The following DLG2 variants were observed in gnomAD, a reference collection of about 807,000 sequenced individuals.
DLG2 encodes the protein discs large MAGUK scaffold protein 2, also known as disks large homolog 2.
Under a neutral mutation model 132.5 loss-of-function variants are expected in DLG2, and 45 were observed. That is an observed-to-expected ratio of 0.34 (90% CI 0.27 to 0.44). The LOEUF (loss-of-function observed/expected upper bound fraction) is 0.44, where lower values mean the gene tolerates loss of function less well. Among genes scored for constraint, DLG2 ranks in the 20% least tolerant of loss-of-function variants. DLG2 has a pLI of 1.00. For synonymous variants in DLG2, 424 were observed against 419.6 expected (o/e 1.01, Z -0.13); for missense variants, 1,045 against 1,196.9 (o/e 0.87, Z 1.87).
intron 3 of DLG2, among the ~76,000 whole-genome samples, chr11:85,343,653 C>T (rs1035925499): frequency 9.2e-5 from 14 of 152,032 alleles, no homozygotes; most frequent in Non-Finnish European, 1.5e-4. Flanking sequence ...CACGCGCGTA[C>T]ACGCACATAC....
chr11:84,960,664 C>T (rs1188556137), intron 6 of DLG2, among the ~76,000 whole-genome samples: 1 of 151,962 alleles, frequency 6.6e-6, no homozygotes, highest in Non-Finnish European at 1.5e-5. Context: ...GTCTCAAACT[C>T]CTGAGCTCAG....
intron 6 of DLG2, among the ~76,000 whole-genome samples, chr11:84,724,188 GT>G (rs2062146079): frequency 6.6e-6 from 1 of 152,042 alleles, no homozygotes; most frequent in African/African-American, 2.4e-5. Context: ...CTAAGCTTCA[GT>G]TTCCTTTTTT....
intron 11 of DLG2, among the ~76,000 whole-genome samples, chr11:84,028,366 T>G (rs2095599380): frequency 6.6e-6 from 1 of 152,116 alleles, no homozygotes; most frequent in African/African-American, 2.4e-5. Context: ...CTATTTGGCT[T>G]GCTCATGATT....
chr11:84,214,831 C>T (rs1044175596), intron 8 of DLG2, among the ~76,000 whole-genome samples: 23 of 152,062 alleles, frequency 1.5e-4, no homozygotes, highest in Non-Finnish European at 2.2e-4. Context: ...TTTTCAGGCA[C>T]TTAGGTAATC....
chr11:84,056,397 G>A (rs11233892), intron 11 of DLG2, among the ~76,000 whole-genome samples: 7,472 of 152,124 alleles, frequency 0.049, 248 homozygotes, highest in Middle Eastern at 0.088. Flanking sequence ...TAGTTATGAC[G>A]AATCACATCT....
intron 21 of DLG2, among the ~76,000 whole-genome samples, chr11:83,523,569 G>A (rs946210663): frequency 1.3e-5 from 2 of 152,088 alleles, no homozygotes; most frequent in African/African-American, 2.4e-5. Flanking sequence ...CTTAACTTCA[G>A]TTTTCTCATC....
intron 10 of DLG2, among the ~76,000 whole-genome samples, chr11:84,074,926 C>G (rs752034614): frequency 6.6e-6 from 1 of 152,100 alleles, no homozygotes; most frequent in African/African-American, 2.4e-5. Context: ...AAACCCAAAG[C>G]CCTTACCTGC....
intron 3 of DLG2, among the ~76,000 whole-genome samples, chr11:85,541,652 CA>C (rs1187001993): frequency 6.6e-6 from 1 of 151,702 alleles, no homozygotes; most frequent in Non-Finnish European, 1.5e-5. Context: ...AGAGTGAGTG[CA>C]AAAAAACACA....
In DLG2 at chr11:84,181,402, C is replaced by T. The variant is rs141519368; in HGVS notation, c.574-17891G>A. On this transcript the variant is annotated intron_variant, in intron 8 of 27. Transcript: ENST00000376104. The stretch of plus-strand genomic sequence containing the variant: ...AAATAATATAAAATGCCATTTAAAA[C>T]GAAAAAAGGCAGAAAAAGTGTGGAA... Among the ~76,000 whole-genome samples, 57 of 151,006 alleles carry T rather than the reference C, an allele frequency of 3.8e-4. No homozygotes were observed. In the East Asian group the frequency reaches 7.0e-3, roughly 18 times the overall value.
intron 6 of DLG2, among the ~76,000 whole-genome samples, chr11:84,966,587 G>A (rs1007930308): frequency 4.6e-5 from 7 of 152,078 alleles, no homozygotes; most frequent in African/African-American, 1.2e-4. Context: ...GGCATGTGAC[G>A]AGGAAAGACA....
intron 9 of DLG2, among the ~76,000 whole-genome samples, chr11:84,162,861 T>C (rs1238840089): frequency 6.6e-6 from 1 of 152,180 alleles, no homozygotes; most frequent in South Asian, 2.1e-4. Context: ...TTAATGCTTT[T>C]TGGTCACTTT....
intron 3 of DLG2, among the ~76,000 whole-genome samples, chr11:85,459,589 T>C (rs1292760321): frequency 1.3e-5 from 2 of 152,154 alleles, no homozygotes; most frequent in Non-Finnish European, 2.9e-5. Context: ...GGGCCCTGCC[T>C]GGTAAAGAGT....
At chr11:84,148,317 C>G (rs1033049647) in intron 9 of DLG2, among the ~76,000 whole-genome samples, 2 of 152,034 alleles carry the variant, frequency 1.3e-5, no homozygotes, top group Non-Finnish European at 2.9e-5. Flanking sequence ...AAACCTGTAA[C>G]CCAGGAAGTG....
chr11:83,748,876 GC>G (rs1233163772), intron 18 of DLG2, among the ~76,000 whole-genome samples: 2 of 152,034 alleles, frequency 1.3e-5, no homozygotes, highest in Non-Finnish European at 2.9e-5. Context: ...AATTTTACAA[GC>G]TTTTTTTGCC....
intron 4 of DLG2, among the ~76,000 whole-genome samples, chr11:85,202,542 T>G (rs1312229132): frequency 1.3e-5 from 2 of 152,120 alleles, no homozygotes; most frequent in Non-Finnish European, 2.9e-5. Flanking sequence ...CTAGACCACA[T>G]AGACCTAACA....
At chr11:83,493,468 G>A (rs1177464359) in intron 21 of DLG2, among the ~76,000 whole-genome samples, 1 of 150,448 alleles carries the variant, frequency 6.6e-6, no homozygotes, top group African/African-American at 2.4e-5. Context: ...CCATGGAAAT[G>A]TAAACTCCCT....
chr11:85,429,421 G>A (rs2091007406), intron 3 of DLG2, among the ~76,000 whole-genome samples: 1 of 151,932 alleles, frequency 6.6e-6, no homozygotes, highest in Non-Finnish European at 1.5e-5. Flanking sequence ...GAGTGAACAG[G>A]AACCTACAGA....
chr11:84,458,626 CT>C lies in DLG2; in HGVS notation c.519+75943del, dbSNP rs540737365. 1.4e-4 allele frequency among the ~76,000 whole-genome samples: 21 copies of C among 150,762 alleles called. No individual in the cohort carries two copies. The South Asian group carries it at 3.5e-3, about 25-fold the overall frequency. On this transcript the variant is annotated intron_variant, in intron 7 of 27. Coordinates refer to ENST00000376104, the MANE Select transcript of DLG2 (RefSeq NM_001142699.3). ...GCTCTTTAGAGTTTAAATATAATAA[CT>C]TTTTTTATTTGTGGCTTTTCTACTT...
At chr11:84,365,100 C>T (rs904211394) in intron 7 of DLG2, among the ~76,000 whole-genome samples, 1 of 152,028 alleles carries the variant, frequency 6.6e-6, no homozygotes, top group Non-Finnish European at 1.5e-5. Flanking sequence ...CCAGTTTCTC[C>T]TTGTACCTCT....
Sources: gnomAD v4.1 joint callset for allele counts (sites outside exome capture counted in the v4.1 genomes callset) on GRCh38, gnomAD v4.1.1 for gene constraint, MANE v1.5 for transcripts, NCBI Gene and HGNC (gene_info 2026-07-23, HGNC 2026-07-21) for gene names.